TOR1AIP1: variants seen among roughly 807,000 people sequenced by gnomAD.
The protein encoded by TOR1AIP1 is torsin-1A-interacting protein 1.
TOR1AIP1 carries 54 observed loss-of-function variants against 63.3 expected under a neutral mutation model. That is an observed-to-expected ratio of 0.85 (90% CI 0.69 to 1.07). TOR1AIP1 has a LOEUF of 1.07. Ranked by LOEUF, TOR1AIP1 falls within the 50% of genes least tolerant of loss-of-function variation. TOR1AIP1 has a pLI of 0.00. For synonymous variants in TOR1AIP1, 294 were observed against 273.5 expected (o/e 1.07, Z -0.74); for missense variants, 736 against 715.0 (o/e 1.03, Z -0.33).
intron 4 of TOR1AIP1, chr1:179,900,618 C>T (rs1195297207): frequency 1.3e-5 from 2 of 151,176 alleles, no homozygotes; most frequent in East Asian, 3.9e-4. Flanking sequence ...TGTTTTTCTT[C>T]AAGAAAAAAA....
intron 6 of TOR1AIP1, among the ~76,000 whole-genome samples, chr1:179,906,519 G>C (rs944461605): frequency 5.3e-5 from 8 of 152,046 alleles, no homozygotes; most frequent in Non-Finnish European, 8.8e-5. Flanking sequence ...TCATCCCATT[G>C]TGTCATTTTA....
chr1:179,913,678 T>C (rs1481522158), intron 8 of TOR1AIP1: 1 of 701,754 alleles, frequency 1.4e-6, no homozygotes, highest in Non-Finnish European at 2.6e-6. Flanking sequence ...TCTTTGTCCT[T>C]TTTATCCCGG....
At chr1:179,912,424 C>A (rs1038382232) in intron 8 of TOR1AIP1, among the ~76,000 whole-genome samples, 4 of 152,172 alleles carry the variant, frequency 2.6e-5, no homozygotes, top group African/African-American at 9.7e-5. Context: ...CCTGCCTTGG[C>A]AGTATATACC....
intron 8 of TOR1AIP1, among the ~76,000 whole-genome samples, chr1:179,912,013 T>TTTTTTTTTTTTTTTC (rs1648856389): frequency 2.1e-5 from 1 of 46,766 alleles, no homozygotes; most frequent in African/African-American, 6.5e-5. Context: ...TTTTTTTTCT[T>TTTTTTTTTTTTTTTC]TTTTTTTTCT....
At chr1:179,893,265 CAA>C (rs139644855) in intron 3 of TOR1AIP1, among the ~76,000 whole-genome samples, 3 of 148,604 alleles carry the variant, frequency 2.0e-5, no homozygotes, top group African/African-American at 5.0e-5. Flanking sequence ...AACAAACAAA[CAA>C]AAAAAAAAAA....
intron 3 of TOR1AIP1, among the ~76,000 whole-genome samples, chr1:179,896,241 A>G (rs571785990): frequency 1.3e-5 from 2 of 152,284 alleles, no homozygotes; most frequent in South Asian, 2.1e-4. Context: ...TTTATTCTAT[A>G]ATCATAAAAT....
chr1:179,894,410 G>A (rs1571726530), intron 3 of TOR1AIP1, among the ~76,000 whole-genome samples: 1 of 152,140 alleles, frequency 6.6e-6, no homozygotes, highest in East Asian at 1.9e-4. Context: ...AAACAAGCTG[G>A]GCCTGGTGGC....
Position 179,884,728 on chromosome 1 carries a change from C to T in TOR1AIP1, c.512C>T (p.Thr171Met), listed in dbSNP as rs150816990. 2.4e-5 allele frequency: 39 copies of T among 1,611,268 alleles called. No homozygotes were observed. The African/African-American group carries it at 3.9e-4, about 16-fold the overall frequency. Residue 171 changes from threonine (T) to methionine (M), a missense_variant, in exon 2 of 10, where the codon ACG (threonine) becomes ATG (methionine). By Grantham distance (81) the Thr-to-Met change is moderately conservative. Coordinates refer to ENST00000606911, the MANE Select transcript of TOR1AIP1 (RefSeq NM_015602.4). ...TCTTCCCAAACTGATTTAAGCCAAA[C>T]GATCTCAAAGAAAACTGTCAGGAGC... Reference protein sequence around the residue: ...EASSQTDLSQTISKKTVRSIQ... With the variant: ...EASSQTDLSQMISKKTVRSIQ...
intron 3 of TOR1AIP1, among the ~76,000 whole-genome samples, chr1:179,895,049 G>A (rs1369880997): frequency 2.0e-5 from 3 of 152,194 alleles, no homozygotes; most frequent in Non-Finnish European, 2.9e-5. Context: ...TTTCACTAGA[G>A]GCGATGACTG....
At chr1:179,887,348 G>A (rs1324074697) in intron 2 of TOR1AIP1, among the ~76,000 whole-genome samples, 2 of 152,010 alleles carry the variant, frequency 1.3e-5, no homozygotes, top group African/African-American at 2.4e-5. Context: ...GCAGTGAGCC[G>A]AGATCATGCC....
At chr1:179,907,913 CT>C (rs34218138) in intron 7 of TOR1AIP1, 49 bp downstream of exon 7, 16,041 of 353,640 alleles carry the variant, frequency 0.045, no homozygotes, top group Non-Finnish European at 0.049. Context: ...ATTCTTTTCT[CT>C]TTTTTTTTTT....
chr1:179,886,471 T>C (rs146553298), intron 2 of TOR1AIP1, among the ~76,000 whole-genome samples: 1 of 152,324 alleles, frequency 6.6e-6, no homozygotes, highest in African/African-American at 2.4e-5. Flanking sequence ...TTTACCTGTG[T>C]TATTTGCCCT....
At chr1:179,910,851 C>A (rs915664750) in intron 8 of TOR1AIP1, among the ~76,000 whole-genome samples, 2 of 152,122 alleles carry the variant, frequency 1.3e-5, no homozygotes, top group Non-Finnish European at 2.9e-5. Context: ...ACATACTTAT[C>A]AGAAAATCTT....
In TOR1AIP1 at chr1:179,882,557, GT is replaced by G; in HGVS notation, c.56del (p.Val19AlafsTer39). On this transcript the variant is annotated frameshift_variant, in exon 1 of 10. Coordinates refer to ENST00000606911, the MANE Select transcript of TOR1AIP1 (RefSeq NM_015602.4). LOFTEE classifies it high-confidence loss of function. ...GGTGCGGGAAGGATGGGGTGTGTAC[GT>G]CACCCCCAGGGCCCCCATCCGAGAG... is the stretch of plus-strand genomic sequence containing the variant. ...EAVREGWGVY[V>X]TPRAPIREGR... is the part of the protein sequence containing the mutation. 6.6e-7 allele frequency: 1 copy of G among 1,506,016 alleles called. No individual in the cohort carries two copies. Among genetic ancestry groups the G allele is most frequent in the Non-Finnish European group, 8.8e-7 (1 of 1,131,140 alleles). The allele number at this position is 1,506,016 out of a possible 1,614,324, so 93.3% of individuals were successfully genotyped here.
At chr1:179,897,239 A>G (rs1259161203) in intron 3 of TOR1AIP1, among the ~76,000 whole-genome samples, 2 of 152,236 alleles carry the variant, frequency 1.3e-5, no homozygotes, top group Admixed American at 6.5e-5. Context: ...CTTCAAATAT[A>G]ATAACATGTT....
In TOR1AIP1 at chr1:179,882,448, G is replaced by A; in HGVS notation, c.-55G>A. 4 of 1,350,028 alleles carry A rather than the reference G, an allele frequency of 3.0e-6. No individual in the cohort carries two copies. Among genetic ancestry groups the A allele is most frequent in the Non-Finnish European group, 3.8e-6 (4 of 1,043,900 alleles). The allele number at this position is 1,350,028 out of a possible 1,614,324, so 83.6% of individuals were successfully genotyped here. A position where few individuals can be genotyped will look rare whatever the true frequency, so the allele number is the denominator to read the frequency against. On this transcript the variant is annotated 5_prime_UTR_variant, in exon 1 of 10. Coordinates refer to ENST00000606911, the MANE Select transcript of TOR1AIP1 (RefSeq NM_015602.4). Reference sequence around the variant, plus strand: ...GAAGCCATCGCCACCACCGGCAGGAGAACCTAGGGTCCATAAAGCCATCTT... The same window carrying A: ...GAAGCCATCGCCACCACCGGCAGGAAAACCTAGGGTCCATAAAGCCATCTT...
At position 179,882,666 on chromosome 1, in the gene TOR1AIP1, G is replaced by A. The variant is rs770204192; in HGVS notation, c.164G>A (p.Arg55Gln). Residue 55 changes from arginine (R) to glutamine (Q), a missense_variant, in exon 1 of 10, where the codon CGG becomes CAG. Physicochemically the swap from Arg to Gln is conservative, Grantham distance 43. Transcript: ENST00000606911. ...ACTCCTCCGTCGCGCCAGGGCCGGC[G>A]GGAAGTGAGGTTCTCGGACGAGCCG... ...YRTPPSRQGR[R>Q]EVRFSDEPPE... 1 of 1,590,868 alleles carries A rather than the reference G, an allele frequency of 6.3e-7. No homozygotes were observed. Among genetic ancestry groups the A allele is most frequent in the Non-Finnish European group, 8.6e-7 (1 of 1,167,726 alleles).
At position 179,901,384 on chromosome 1, in the gene TOR1AIP1, T is replaced by C; in HGVS notation, c.735T>C (p.Ser245=). Residue 245 remains serine, a synonymous_variant, in exon 5 of 10, where the codon TCT becomes TCC. Coordinates refer to ENST00000606911, the MANE Select transcript of TOR1AIP1 (RefSeq NM_015602.4). ...VKARSRDSDE[S]GDKTTRSSSQ... The stretch of plus-strand genomic sequence containing the variant: ...CCAGATCCAGGGATTCTGATGAATC[T>C]GGAGGTAATATTGCTTTATATACAT... 1 of 1,599,096 alleles carries C rather than the reference T, an allele frequency of 6.3e-7. No individual in the cohort carries two copies. The highest frequency in any genetic ancestry group is 8.5e-7 in the Non-Finnish European group (1 of 1,170,000).
Position 179,882,927 on chromosome 1 carries a change from C to G in TOR1AIP1, c.425C>G (p.Pro142Arg). 1 of 1,614,030 alleles carries G rather than the reference C, an allele frequency of 6.2e-7. No individual in the cohort carries two copies. The highest frequency in any genetic ancestry group is 1.1e-5 in the South Asian group (1 of 91,054). The change falls in exon 1 of 10, where the codon CCG becomes CGG. Residue 142 changes from proline to arginine, a missense_variant. This residue lies in a region of TOR1AIP1 where 464 missense variants were observed against 371.0 expected (regional missense o/e 1.25). Coordinates refer to ENST00000606911, the MANE Select transcript of TOR1AIP1 (RefSeq NM_015602.4). Reference protein sequence around the residue: ...QQHSEQPPLQPSPVMTRRGLR... With the variant: ...QQHSEQPPLQRSPVMTRRGLR... ...CACTCAGAGCAGCCTCCGCTACAGC[C>G]GTCTCCTGTTATGACCAGGAGAGGG...
Sources: allele counts gnomAD v4.1 joint callset (sites outside exome capture counted in the v4.1 genomes callset), GRCh38; gene constraint gnomAD v4.1.1; regional missense constraint gnomAD v4.1.1; transcripts MANE v1.5; gene names NCBI Gene and HGNC (gene_info 2026-07-23, HGNC 2026-07-21).